BAZ1A: variants seen among roughly 807,000 people sequenced by gnomAD.
The protein encoded by BAZ1A is bromodomain adjacent to zinc finger domain protein 1A.
In BAZ1A, 50 loss-of-function variants were observed where a neutral mutation model predicts 185.2. The observed-to-expected ratio is 0.27, with a 90% CI of 0.22 to 0.34. The LOEUF is 0.34. Ranked by LOEUF, BAZ1A falls within the 10% of genes least tolerant of loss-of-function variation. The pLI is 1.00. For missense variants in BAZ1A, 1,356 were observed against 1,839.9 expected (o/e 0.74, Z 4.81); for synonymous variants, 571 against 615.6 (o/e 0.93, Z 1.07).
intron 26 of BAZ1A, among the ~76,000 whole-genome samples, chr14:34,754,424 AAAAAAAAAGAAAAAAG>A (rs1187121269): frequency 6.9e-6 from 1 of 144,940 alleles, no homozygotes; most frequent in Non-Finnish European, 1.5e-5. Flanking sequence ...TCTCAAAAAA[AAAAAAAAAGAAAAAAG>A]AAAAAGAAGA....
intron 3 of BAZ1A, among the ~76,000 whole-genome samples, chr14:34,850,635 A>T (rs754545875): frequency 1.2e-4 from 18 of 152,210 alleles, no homozygotes; most frequent in Admixed American, 3.9e-4. Flanking sequence ...TACGCTAGCT[A>T]AATAGAAGAT....
At chr14:34,815,724 T>A (rs2041995950) in intron 4 of BAZ1A, among the ~76,000 whole-genome samples, 1 of 152,120 alleles carries the variant, frequency 6.6e-6, no homozygotes, top group Admixed American at 6.6e-5. Flanking sequence ...AATTAAACAA[T>A]TTTCTGTATC....
At chr14:34,804,896 C>CT (rs1394861676) in intron 6 of BAZ1A, among the ~76,000 whole-genome samples, 1 of 152,210 alleles carries the variant, frequency 6.6e-6, no homozygotes, top group African/African-American at 2.4e-5. Context: ...GGTTATCAAA[C>CT]TTTGTGTGCT....
chr14:34,869,362 T>C (rs932695321), intron 2 of BAZ1A, among the ~76,000 whole-genome samples: 5 of 152,028 alleles, frequency 3.3e-5, no homozygotes, highest in Non-Finnish European at 5.9e-5. Context: ...ACCAGTATGG[T>C]AGAGAAACAA....
At chr14:34,831,758 G>A (rs1045046132) in intron 3 of BAZ1A, among the ~76,000 whole-genome samples, 6 of 151,994 alleles carry the variant, frequency 3.9e-5, no homozygotes, top group Non-Finnish European at 8.8e-5. Context: ...ATTTACATAA[G>A]TTCAATTAAA....
intron 2 of BAZ1A, among the ~76,000 whole-genome samples, chr14:34,867,546 C>T (rs916983301): frequency 6.6e-5 from 10 of 152,240 alleles, no homozygotes; most frequent in African/African-American, 2.2e-4. Flanking sequence ...GGCACAAATG[C>T]CACAACCAGT....
At chr14:34,872,913 T>TAAAAAAAAAAAAAAAAAAA (rs35955993) in intron 2 of BAZ1A, among the ~76,000 whole-genome samples, 3 of 76,180 alleles carry the variant, frequency 3.9e-5, no homozygotes, top group African/African-American at 1.4e-4. Context: ...TTTAAAATCC[T>TAAAAAAAAAAAAAAAAAAA]AAAAAAAAAA....
chr14:34,766,354 A>G (rs181876668), intron 21 of BAZ1A, among the ~76,000 whole-genome samples: 120 of 152,300 alleles, frequency 7.9e-4, no homozygotes, highest in Admixed American at 2.4e-3. Context: ...AATGTTTAGT[A>G]CAGCTGGAAA....
chr14:34,830,081 GA>G (rs1208474541), intron 3 of BAZ1A, among the ~76,000 whole-genome samples: 1 of 152,150 alleles, frequency 6.6e-6, no homozygotes, highest in East Asian at 1.9e-4. Flanking sequence ...GAACCACCTT[GA>G]AAAACAGTGT....
chr14:34,774,962 C>T lies in BAZ1A; in HGVS notation c.2834-472G>A, dbSNP rs28547432. Among the ~76,000 whole-genome samples the T allele has an allele frequency of 1.5e-3, 223 of 152,224 alleles. 1 individual carries two copies. Among genetic ancestry groups the T allele is most frequent in the African/African-American group, 5.1e-3 (210 of 41,532 alleles). On this transcript the variant is annotated intron_variant, in intron 18 of 26. Coordinates refer to ENST00000360310, the MANE Select transcript of BAZ1A (RefSeq NM_013448.3). ...GGGGGTAGTGGCTCATGCCTGTAAT[C>T]CCAGCACTTTGGGAGACCAAGGCGG... is the stretch of plus-strand genomic sequence containing the variant.
chr14:34,874,777 C>T lies in BAZ1A; in HGVS notation c.-58-115G>A, dbSNP rs2138856244. On this transcript the variant is annotated intron_variant, in intron 1 of 26. Coordinates refer to ENST00000360310, the MANE Select transcript of BAZ1A (RefSeq NM_013448.3). The surrounding 1 kb of genome is among the most constrained non-coding windows in gnomAD (Gnocchi z 4.7). ...TGCCTTTTGTGTGACTGACGCGCCG[C>T]GGCCGCTACCGGAGCCGAGTTCGTT... The T allele has an allele frequency of 3.8e-6, 2 of 525,992 alleles. No homozygotes were observed. The highest frequency in any genetic ancestry group is 3.6e-5 in the East Asian group (1 of 28,040). 32.6% of individuals were successfully genotyped at this position (525,992 alleles called of 1,614,324 possible). A position where few individuals can be genotyped will look rare whatever the true frequency, so the allele number is the denominator to read the frequency against.
In BAZ1A at chr14:34,753,252, C is replaced by CA. The variant is rs1178613873; in HGVS notation, c.*255dup. The CA allele has an allele frequency of 7.7e-6, 3 of 392,148 alleles. No individual in the cohort carries two copies. The highest frequency in any genetic ancestry group is 4.1e-5 in the African/African-American group (2 of 48,826). The allele number at this position is 392,148 out of a possible 1,614,324, so 24.3% of individuals were successfully genotyped here. On this transcript the variant is annotated 3_prime_UTR_variant, in exon 27 of 27. Transcript: ENST00000360310. ...AGATCTCTGGACACATGAATGATCT[C>CA]AAAAATGTACAAAAACCTCTGTAAA...
chr14:34,831,423 A>G (rs1005436017), intron 3 of BAZ1A, among the ~76,000 whole-genome samples: 4 of 152,200 alleles, frequency 2.6e-5, no homozygotes, highest in African/African-American at 7.2e-5. Context: ...CGGCAGCCAT[A>G]TATCCTGCTA....
At chr14:34,811,494 C>CT (rs548193684) in intron 4 of BAZ1A, among the ~76,000 whole-genome samples, 100 of 151,958 alleles carry the variant, frequency 6.6e-4, no homozygotes, top group African/African-American at 2.2e-3. Context: ...AGAGTCTCGC[C>CT]TTGTCACCCA....
At chr14:34,858,838 G>A (rs2042724947) in intron 3 of BAZ1A, among the ~76,000 whole-genome samples, 1 of 152,102 alleles carries the variant, frequency 6.6e-6, no homozygotes, top group Non-Finnish European at 1.5e-5. Flanking sequence ...GTGATATGGA[G>A]GAAGACATGA....
chr14:34,832,191 TACACACACAC>T (rs57379319), intron 3 of BAZ1A, among the ~76,000 whole-genome samples: 2 of 96,564 alleles, frequency 2.1e-5, no homozygotes, highest in East Asian at 2.8e-4. Flanking sequence ...TATATACATA[TACACACACAC>T]ACACACACAC....
chr14:34,768,645 T>C, intron 21 of BAZ1A: 2 of 361,994 alleles, frequency 5.5e-6, no homozygotes, highest in Non-Finnish European at 1.1e-5. Flanking sequence ...AAATCATTCT[T>C]TAAAAAGACA....
At chr14:34,758,906 G>A (rs1311323068) in intron 24 of BAZ1A, 60 bp from the exon 25 acceptor site, 9 of 1,529,324 alleles carry the variant, frequency 5.9e-6, no homozygotes, top group Admixed American at 1.8e-5. Context: ...TTCACTACAC[G>A]CCAAACTGGA....
intron 20 of BAZ1A, among the ~76,000 whole-genome samples, chr14:34,773,325 A>G (rs1025688363): frequency 3.9e-5 from 6 of 152,162 alleles, no homozygotes; most frequent in African/African-American, 1.4e-4. Context: ...CAAAGATTAA[A>G]AAAAAAAACT....
Sources: allele counts gnomAD v4.1 joint callset (sites outside exome capture counted in the v4.1 genomes callset), GRCh38; gene constraint gnomAD v4.1.1; non-coding constraint Gnocchi (gnomAD v3.1); transcripts MANE v1.5; gene names NCBI Gene and HGNC (gene_info 2026-07-23, HGNC 2026-07-21).